NOL10: variants seen among roughly 807,000 people sequenced by gnomAD.
NOL10 encodes nucleolar protein 10.
In NOL10, 58 loss-of-function variants were observed where a neutral mutation model predicts 103.5. The ratio of observed to expected loss-of-function variants is 0.56; its 90% confidence interval spans 0.45 to 0.70. NOL10 has a LOEUF of 0.70. Ranked by LOEUF, NOL10 falls within the 30% of genes least tolerant of loss-of-function variation. The pLI is 0.00. For missense variants in NOL10, 763 were observed against 807.3 expected (o/e 0.95, Z 0.67); for synonymous variants, 287 against 282.5 (o/e 1.02, Z -0.16).
At chr2:10,606,818 C>A (rs112967515) in intron 14 of NOL10, among the ~76,000 whole-genome samples, 38 of 152,146 alleles carry the variant, frequency 2.5e-4, no homozygotes, top group African/African-American at 8.7e-4. Flanking sequence ...GAATCATTTA[C>A]TTGCCGTCTC....
chr2:10,610,970 ACTTT>A (rs1384802199), intron 13 of NOL10, among the ~76,000 whole-genome samples: 3 of 152,046 alleles, frequency 2.0e-5, no homozygotes, highest in African/African-American at 4.8e-5. Context: ...AATTTATAAG[ACTTT>A]CTTTTTTTCT....
chr2:10,637,719 A>C (rs923940420), intron 13 of NOL10, among the ~76,000 whole-genome samples: 1 of 152,174 alleles, frequency 6.6e-6, no homozygotes, highest in Non-Finnish European at 1.5e-5. Context: ...GCTTCTTAAC[A>C]CATAGTGTCC....
intron 7 of NOL10, among the ~76,000 whole-genome samples, chr2:10,668,036 A>G (rs1680666828): frequency 3.3e-5 from 5 of 152,156 alleles, no homozygotes; most frequent in Admixed American, 3.3e-4. Flanking sequence ...CAAACTACTT[A>G]CCTCTCTGAG....
chr2:10,617,737 T>C lies in NOL10; in HGVS notation c.1027-10426A>G, dbSNP rs139159749. On this transcript the variant is annotated intron_variant, in intron 13 of 20. Transcript: ENST00000381685. ...TGACATTCATCCACTGATGAATGGG[T>C]GAACAAATGTGATAATATCCACACA... Among the ~76,000 whole-genome samples the C allele has an allele frequency of 7.9e-3, 1,200 of 152,190 alleles. 20 individuals carry two copies. Among genetic ancestry groups the C allele is most frequent in the African/African-American group, 0.027 (1,122 of 41,522 alleles).
chr2:10,622,176 TA>T (rs70953325), intron 13 of NOL10: 471,388 of 471,392 alleles, frequency 1, 235,692 homozygotes, highest in Middle Eastern at 1. Context: ...GGTAAACAGT[TA>T]ACACAGGAAA....
In NOL10 at chr2:10,610,886, T is replaced by C. The variant is rs554472865; in HGVS notation, c.1027-3575A>G. 2.0e-5 allele frequency among the ~76,000 whole-genome samples: 3 copies of C among 152,372 alleles called. No homozygotes were observed. The East Asian group carries it at 5.8e-4, about 29-fold the overall frequency. On this transcript the variant is annotated intron_variant, in intron 13 of 20. Coordinates refer to ENST00000381685, the MANE Select transcript of NOL10 (RefSeq NM_024894.4). ...GGACTATCACTACTACCTCAAACTT[T>C]CCAGGTTTTCTGTCCTGCTGTTACA...
At chr2:10,584,754 T>C (rs1422623376) in intron 19 of NOL10, among the ~76,000 whole-genome samples, 1 of 152,208 alleles carries the variant, frequency 6.6e-6, no homozygotes, top group Non-Finnish European at 1.5e-5. Context: ...AACTTGGTGA[T>C]ATTTAACTTA....
At chr2:10,682,543 G>T (rs919360472) in intron 2 of NOL10, among the ~76,000 whole-genome samples, 6 of 151,688 alleles carry the variant, frequency 4.0e-5, no homozygotes, top group Admixed American at 3.9e-4. Context: ...TAGGACTACA[G>T]GCGCATGCCA....
intron 13 of NOL10, among the ~76,000 whole-genome samples, chr2:10,623,637 G>A (rs1030116003): frequency 1.3e-5 from 2 of 152,028 alleles, no homozygotes; most frequent in African/African-American, 4.8e-5. Flanking sequence ...CCCACCCTTG[G>A]TCCTGGCACA....
chr2:10,594,157 C>T (rs1276620417), intron 17 of NOL10, among the ~76,000 whole-genome samples: 2 of 152,078 alleles, frequency 1.3e-5, no homozygotes, highest in African/African-American at 2.4e-5. Context: ...ACAGTACAGT[C>T]GCTTCGTGTC....
At chr2:10,587,228 C>CAT (rs1330060940) in intron 19 of NOL10, among the ~76,000 whole-genome samples, 1,135 of 37,250 alleles carry the variant, frequency 0.03, 455 homozygotes, top group African/African-American at 0.18. Flanking sequence ...CATATATATA[C>CAT]ATATATATAT....
chr2:10,613,013 AG>A (rs748065692), intron 13 of NOL10, among the ~76,000 whole-genome samples: 43 of 149,954 alleles, frequency 2.9e-4, no homozygotes, highest in Admixed American at 4.0e-4. Context: ...AAAAAAAAAA[AG>A]AGAGAAAGAA....
At chr2:10,620,340 G>C (rs1423545120) in intron 13 of NOL10, among the ~76,000 whole-genome samples, 1 of 152,156 alleles carries the variant, frequency 6.6e-6, no homozygotes, top group Non-Finnish European at 1.5e-5. Flanking sequence ...AAAAAAGGAA[G>C]AGCAAAACTT....
chr2:10,623,123 T>C (rs1490222470), intron 13 of NOL10, among the ~76,000 whole-genome samples: 1 of 152,104 alleles, frequency 6.6e-6, no homozygotes, highest in East Asian at 1.9e-4. Flanking sequence ...ACAACCCCCA[T>C]TAAACAGGCA....
intron 3 of NOL10, among the ~76,000 whole-genome samples, chr2:10,677,889 G>A (rs1015915080): frequency 1.4e-5 from 2 of 141,054 alleles, no homozygotes; most frequent in East Asian, 2.0e-4. Flanking sequence ...ATATATATGC[G>A]TGTGTATATA....
chr2:10,648,910 G>A (rs1404927068), intron 12 of NOL10, among the ~76,000 whole-genome samples: 3 of 151,904 alleles, frequency 2.0e-5, no homozygotes, highest in East Asian at 1.9e-4. Flanking sequence ...ACACAACAGC[G>A]AAATGTAACA....
chr2:10,618,799 A>T (rs1558294094), intron 13 of NOL10, among the ~76,000 whole-genome samples: 1 of 152,178 alleles, frequency 6.6e-6, no homozygotes, highest in Non-Finnish European at 1.5e-5. Flanking sequence ...TTCTTTTCAA[A>T]GGGAGGTGAC....
chr2:10,684,671 T>A, intron 1 of NOL10, 59 bp from the exon 2 acceptor site: 1 of 1,353,300 alleles, frequency 7.4e-7, no homozygotes, highest in South Asian at 1.3e-5. Context: ...GTTTTTCGGC[T>A]TGCAAAATCA....
chr2:10,601,028 A>T, intron 16 of NOL10, 86 bp from the exon 17 acceptor site: 1 of 767,464 alleles, frequency 1.3e-6, no homozygotes, highest in Non-Finnish European at 2.1e-6. Flanking sequence ...CAGTTGTGTA[A>T]GTATAATTTC....
Sources: allele counts gnomAD v4.1 joint callset (sites outside exome capture counted in the v4.1 genomes callset), GRCh38; gene constraint gnomAD v4.1.1; transcripts MANE v1.5; gene names NCBI Gene and HGNC (gene_info 2026-07-23, HGNC 2026-07-21).